The following GRID1 variants were observed in gnomAD, a reference collection of about 807,000 sequenced individuals.
GRID1 encodes glutamate receptor ionotropic, delta-1.
In GRID1, 28 loss-of-function variants were observed where a neutral mutation model predicts 98.0. That is an observed-to-expected ratio of 0.29 (90% CI 0.21 to 0.39). The LOEUF is 0.39. GRID1 is among the 10% of genes least tolerant of loss of function. The pLI is 1.00. For missense variants in GRID1, 1,111 were observed against 1,340.5 expected, an observed-to-expected ratio of 0.83 and a Z score of 2.67; for synonymous variants, 553 against 538.5, an observed-to-expected ratio of 1.03 and a Z score of -0.37.
chr10:86,014,371 A>G (rs1043300207), intron 4 of GRID1, among the ~76,000 whole-genome samples: 1 of 152,356 alleles, frequency 6.6e-6, no homozygotes, highest in South Asian at 2.1e-4. Context: ...ATATTAATGC[A>G]TAGGCTGAGC....
intron 5 of GRID1, among the ~76,000 whole-genome samples, chr10:85,909,269 T>G (rs532959749): frequency 6.6e-6 from 1 of 152,320 alleles, no homozygotes; most frequent in African/African-American, 2.4e-5. Flanking sequence ...AGAGTGACTA[T>G]AATCAAAAAC....
intron 12 of GRID1, among the ~76,000 whole-genome samples, chr10:85,707,287 A>T (rs1301502342): frequency 6.6e-6 from 1 of 152,220 alleles, no homozygotes; most frequent in African/African-American, 2.4e-5. Context: ...AAACAATCCC[A>T]TCAAAAAGTG....
intron 2 of GRID1, among the ~76,000 whole-genome samples, chr10:86,235,091 G>T (rs930302774): frequency 2.0e-5 from 3 of 152,226 alleles, no homozygotes; most frequent in Non-Finnish European, 4.4e-5. Context: ...CCGGGCCAGA[G>T]CCTGGCCAGC....
intron 13 of GRID1, among the ~76,000 whole-genome samples, chr10:85,634,249 CCTCTCTCTCTCTCTCT>C (rs775506130): frequency 1.1e-3 from 102 of 92,378 alleles, no homozygotes; most frequent in African/African-American, 3.7e-3. Context: ...TGATGGGGCA[CCTCTCTCTCTCTCTCT>C]CTCTCTCTCT....
At chr10:86,041,032 G>A (rs1025007249) in intron 4 of GRID1, among the ~76,000 whole-genome samples, 1 of 152,220 alleles carries the variant, frequency 6.6e-6, no homozygotes, top group African/African-American at 2.4e-5. Flanking sequence ...CCTCTCCTGC[G>A]CAGTTCCTGA....
Position 85,724,517 on chromosome 10 carries a change from C to G in GRID1, c.1693G>C (p.Val565Leu). Residue 565 changes from valine (V) to leucine (L), a missense_variant, in exon 11 of 16, where the codon GTG (valine) becomes CTG (leucine). By Grantham distance (32) the Val-to-Leu change is conservative. This residue lies in a region of GRID1 where 762 missense variants were observed against 869.1 expected (regional missense o/e 0.88). Transcript: ENST00000327946. ...ATGGCTGCTGCAATGCAGGCCCACA[C>G]AGCGAAATCAAATGGAGCAAAGAGG... is the stretch of plus-strand genomic sequence containing the variant. Reference protein sequence around the residue: ...FSLFAPFDFAVWACIAAAIPV... With the variant: ...FSLFAPFDFALWACIAAAIPV... The G allele has an allele frequency of 6.2e-7, 1 of 1,614,086 alleles. No individual in the cohort carries two copies. The highest frequency in any genetic ancestry group is 8.5e-7 in the Non-Finnish European group (1 of 1,180,012).
intron 4 of GRID1, among the ~76,000 whole-genome samples, chr10:86,047,911 T>A (rs1007129359): frequency 5.9e-5 from 9 of 152,176 alleles, no homozygotes; most frequent in African/African-American, 1.9e-4. Flanking sequence ...GGCATTTGGA[T>A]TTTTGTTCTC....
At chr10:85,679,550 T>C (rs1301143033) in intron 12 of GRID1, among the ~76,000 whole-genome samples, 3 of 152,108 alleles carry the variant, frequency 2.0e-5, no homozygotes, top group Non-Finnish European at 4.4e-5. Flanking sequence ...GCAGGACAGA[T>C]ACAGATATCA....
Position 85,647,176 on chromosome 10 carries a change from G to A in GRID1, c.2193+26C>T, listed in dbSNP as rs770065144. On this transcript the variant is annotated intron_variant, in intron 13 of 15. Transcript: ENST00000327946. ...ACCCCGTGGCCCTGTTACAGTGCAC[G>A]TGCCCAAGCGCCAGCTCCTGCCTAC... The A allele has an allele frequency of 7.5e-6, 12 of 1,599,486 alleles. 1 individual carries two copies. The highest frequency in any genetic ancestry group is 6.7e-5 in the East Asian group (3 of 44,796).
chr10:86,147,726 G>T (rs1281565929), intron 3 of GRID1, among the ~76,000 whole-genome samples: 1 of 152,182 alleles, frequency 6.6e-6, no homozygotes, highest in African/African-American at 2.4e-5. Context: ...TGGAGGGCCT[G>T]TCTCTCCCTG....
intron 8 of GRID1, among the ~76,000 whole-genome samples, chr10:85,748,280 T>C (rs1252033012): frequency 6.6e-6 from 1 of 152,190 alleles, no homozygotes; most frequent in East Asian, 1.9e-4. Context: ...TAGTGTAATG[T>C]GCTTCCACTA....
intron 2 of GRID1, among the ~76,000 whole-genome samples, chr10:86,224,182 G>C (rs979280308): frequency 2.8e-5 from 4 of 142,260 alleles, no homozygotes; most frequent in Non-Finnish European, 6.2e-5. Context: ...GACACTCCCA[G>C]CATACACAGA....
intron 4 of GRID1, among the ~76,000 whole-genome samples, chr10:85,972,027 T>C (rs919926325): frequency 6.6e-6 from 1 of 152,104 alleles, no homozygotes; most frequent in Non-Finnish European, 1.5e-5. Context: ...CAAATGAGAA[T>C]CAACCCCTAA....
chr10:85,646,665 C>T (rs1180618646), intron 13 of GRID1: 1 of 158,262 alleles, frequency 6.3e-6, no homozygotes, highest in East Asian at 1.8e-4. Context: ...AAGGCTTTGC[C>T]CGGTAAGGCT....
At chr10:85,792,583 G>A (rs1371835115) in intron 8 of GRID1, among the ~76,000 whole-genome samples, 1 of 152,152 alleles carries the variant, frequency 6.6e-6, no homozygotes, top group Admixed American at 6.5e-5. Flanking sequence ...AAGGCCTCAG[G>A]ATCCTGGTCT....
chr10:86,309,731 C>T (rs1896526), intron 2 of GRID1, among the ~76,000 whole-genome samples: 2 of 152,134 alleles, frequency 1.3e-5, no homozygotes, highest in African/African-American at 4.8e-5. Context: ...ATCTAAGGAA[C>T]GTCCAATAAG....
chr10:85,792,331 T>C (rs1384954100), intron 8 of GRID1, among the ~76,000 whole-genome samples: 2 of 152,250 alleles, frequency 1.3e-5, no homozygotes, highest in Non-Finnish European at 2.9e-5. Context: ...CATCTCTGGA[T>C]GATGCCACAG....
At chr10:85,764,311 T>TA (rs1160749787) in intron 8 of GRID1, among the ~76,000 whole-genome samples, 3 of 152,156 alleles carry the variant, frequency 2.0e-5, no homozygotes, top group African/African-American at 7.2e-5. Flanking sequence ...GAATTTTAAG[T>TA]AGGGGCACAT....
intron 3 of GRID1, among the ~76,000 whole-genome samples, chr10:86,160,813 C>G (rs1335777159): frequency 6.6e-6 from 1 of 152,222 alleles, no homozygotes; most frequent in Non-Finnish European, 1.5e-5. Context: ...CAGGGTCACA[C>G]AGGGTATAAG....
Sources: allele counts gnomAD v4.1 joint callset (sites outside exome capture counted in the v4.1 genomes callset), GRCh38; gene constraint gnomAD v4.1.1; regional missense constraint gnomAD v4.1.1; transcripts MANE v1.5; gene names NCBI Gene and HGNC (gene_info 2026-07-23, HGNC 2026-07-21).